MICAL2: variants seen among roughly 807,000 people sequenced by gnomAD.
MICAL2 encodes the protein microtubule associated monooxygenase, calponin and LIM domain containing 2.
MICAL2 carries 77 observed loss-of-function variants against 127.3 expected under a neutral mutation model. The observed-to-expected ratio is 0.60, with a 90% CI of 0.50 to 0.73. The LOEUF is 0.73. MICAL2 is among the 30% of genes least tolerant of loss of function. The pLI is 0.00. For synonymous variants in MICAL2, 570 were observed against 551.1 expected, an observed-to-expected ratio of 1.03 and a Z score of -0.48; for missense variants, 1,351 against 1,434.4, an observed-to-expected ratio of 0.94 and a Z score of 0.94.
chr11:12,114,720 G>C (rs1424533650), intron 1 of MICAL2, among the ~76,000 whole-genome samples: 2 of 152,196 alleles, frequency 1.3e-5, no homozygotes, highest in African/African-American at 2.4e-5. Context: ...CAGTGCATGT[G>C]CTTAGATAAG....
intron 34 of MICAL2, chr11:12,354,923 A>G: frequency 6.7e-7 from 1 of 1,484,868 alleles, no homozygotes; most frequent in Non-Finnish European, 9.3e-7. Context: ...CGTGTGCCAC[A>G]AATCCCAGAG....
At chr11:12,183,903 C>A (rs928975735) in intron 3 of MICAL2, among the ~76,000 whole-genome samples, 1 of 152,110 alleles carries the variant, frequency 6.6e-6, no homozygotes, top group Non-Finnish European at 1.5e-5. Flanking sequence ...CCTCAGCCTC[C>A]CGAGTAGCTG....
At chr11:12,359,878 C>A (rs571273456), downstream of MICAL2, among the ~76,000 whole-genome samples, 1 of 152,264 alleles carries the variant, frequency 6.6e-6, no homozygotes, top group East Asian at 1.9e-4. Context: ...TGCTCTGCAA[C>A]AGTTGGCTCT....
chr11:12,241,229 G>A (rs1467778926), intron 18 of MICAL2, 67 bp downstream of exon 18: 1 of 1,551,176 alleles, frequency 6.4e-7, no homozygotes, highest in Non-Finnish European at 8.7e-7. Context: ...GATGGGTGGG[G>A]TCAGTGGCTC....
At chr11:12,250,646 C>T (rs983549145) in intron 22 of MICAL2, among the ~76,000 whole-genome samples, 3 of 152,172 alleles carry the variant, frequency 2.0e-5, no homozygotes, top group African/African-American at 7.2e-5. Context: ...TAATGAAAAG[C>T]ACCTAAATTC....
Position 12,125,682 on chromosome 11 carries a change from A to T in MICAL2, c.-148-12708A>T, listed in dbSNP as rs1035779670. On this transcript the variant is annotated intron_variant, in intron 1 of 27. Coordinates refer to ENST00000683283, the MANE Select transcript of MICAL2 (RefSeq NM_001282663.2). ...TCAGTTAATGTAAACAAAAGGACAC[A>T]TATTTATATTTGTGTATATATGCAT... 2.6e-5 allele frequency among the ~76,000 whole-genome samples: 4 copies of T among 152,208 alleles called. No homozygotes were observed. The East Asian group carries it at 7.7e-4, about 29-fold the overall frequency.
chr11:12,208,374 G>C, intron 5 of MICAL2: 1 of 422,344 alleles, frequency 2.4e-6, no homozygotes. Flanking sequence ...TGGTTACCCT[G>C]TCCCAAGGGG....
chr11:12,180,349 A>ATATATATATATATATATATATATTTT (rs11403732), intron 3 of MICAL2, among the ~76,000 whole-genome samples: 2 of 139,710 alleles, frequency 1.4e-5, no homozygotes, highest in African/African-American at 5.3e-5. Context: ...ATATGTATAT[A>ATATATATATATATATATATATATTTT]TTTTTTTTTT....
At chr11:12,298,163 T>G (rs1864008690) in intron 29 of MICAL2, among the ~76,000 whole-genome samples, 1 of 152,024 alleles carries the variant, frequency 6.6e-6, no homozygotes, top group African/African-American at 2.4e-5. Flanking sequence ...TTTGTTCATG[T>G]CTTTTTTGTG....
At chr11:12,347,195 G>A (rs978951485) in intron 32 of MICAL2, among the ~76,000 whole-genome samples, 1 of 151,926 alleles carries the variant, frequency 6.6e-6, no homozygotes, top group African/African-American at 2.4e-5. Context: ...AGTGTTACCT[G>A]TTCTTCCACC....
At chr11:12,233,152 C>T (rs758226969) in intron 15 of MICAL2, among the ~76,000 whole-genome samples, 19 of 152,172 alleles carry the variant, frequency 1.2e-4, no homozygotes, top group Admixed American at 7.9e-4. Context: ...CTGTCTAGCA[C>T]GTTATAGTTT....
intron 3 of MICAL2, among the ~76,000 whole-genome samples, chr11:12,173,727 C>T (rs1212081440): frequency 6.6e-6 from 1 of 152,118 alleles, no homozygotes; most frequent in East Asian, 1.9e-4. Context: ...CCCCTGCTAC[C>T]CTCTCATCTT....
intron 2 of MICAL2, among the ~76,000 whole-genome samples, chr11:12,284,826 TG>T (rs921906492): frequency 6.6e-6 from 1 of 152,106 alleles, no homozygotes; most frequent in African/African-American, 2.4e-5. Flanking sequence ...CTCAAACCCA[TG>T]GGCTTGATTT....
At chr11:12,297,162 C>A (rs1397698016), downstream of MICAL2, among the ~76,000 whole-genome samples, 1 of 152,082 alleles carries the variant, frequency 6.6e-6, no homozygotes, top group African/African-American at 2.4e-5. Context: ...TGTTCACATT[C>A]CCAGCAGCAA....
chr11:12,287,484 G>A (rs1863840200), downstream of MICAL2, among the ~76,000 whole-genome samples: 1 of 152,030 alleles, frequency 6.6e-6, no homozygotes, highest in Non-Finnish European at 1.5e-5. Flanking sequence ...ATACAGATGA[G>A]TAAACTGAGG....
chr11:12,333,373 A>T (rs1370754180), intron 32 of MICAL2, among the ~76,000 whole-genome samples: 2 of 152,144 alleles, frequency 1.3e-5, no homozygotes, highest in Non-Finnish European at 2.9e-5. Context: ...AAAAAAAAGC[A>T]ATAGAACAGA....
chr11:12,290,444 A>T (rs568510924), downstream of MICAL2, among the ~76,000 whole-genome samples: 1 of 152,224 alleles, frequency 6.6e-6, no homozygotes, highest in East Asian at 1.9e-4. Context: ...AGGGGACTTG[A>T]GGCAAGTGAA....
At chr11:12,300,314 C>T (rs541701060) in intron 29 of MICAL2, among the ~76,000 whole-genome samples, 2 of 152,136 alleles carry the variant, frequency 1.3e-5, no homozygotes, top group South Asian at 4.2e-4. Context: ...GAATCTAGTC[C>T]TCTGGAATAC....
In MICAL2 at chr11:12,244,744, G is replaced by T. The variant is rs114418822; in HGVS notation, c.2784+632G>T. ...TGGAGAGGGGCTAGCCTGTGCAAAG[G>T]CAGGCAGGCAGGGCTTACGTGACAT... is the stretch of plus-strand genomic sequence containing the variant. On this transcript the variant is annotated intron_variant, in intron 21 of 27. Transcript: ENST00000683283. Among the ~76,000 whole-genome samples the T allele has an allele frequency of 2.7e-3, 409 of 152,268 alleles. 1 individual carries two copies. Among genetic ancestry groups the T allele is most frequent in the African/African-American group, 9.4e-3 (392 of 41,556 alleles).
Sources: allele counts gnomAD v4.1 joint callset (sites outside exome capture counted in the v4.1 genomes callset), GRCh38; gene constraint gnomAD v4.1.1; transcripts MANE v1.5; gene names NCBI Gene and HGNC (gene_info 2026-07-23, HGNC 2026-07-21).